PPA2: variants seen among roughly 807,000 people sequenced by gnomAD.
PPA2 encodes inorganic pyrophosphatase 2, mitochondrial.
In PPA2, 48 loss-of-function variants were observed where a neutral mutation model predicts 49.5. The ratio of observed to expected loss-of-function variants is 0.97; its 90% confidence interval spans 0.77 to 1.23. The LOEUF (loss-of-function observed/expected upper bound fraction) is 1.23. Ranked by LOEUF, PPA2 falls within the 50% of genes most tolerant of loss-of-function variation. PPA2 has a pLI of 0.00. For missense variants in PPA2, 429 were observed against 410.1 expected (o/e 1.05, Z -0.40); for synonymous variants, 131 against 139.9 (o/e 0.94, Z 0.45).
intron 10 of PPA2, among the ~76,000 whole-genome samples, chr4:105,382,002 ATTTTC>A (rs1733508665): frequency 6.6e-6 from 1 of 151,762 alleles, no homozygotes; most frequent in Non-Finnish European, 1.5e-5. Flanking sequence ...AACTTCTATA[ATTTTC>A]TTTAATTTCT....
chr4:105,405,721 A>T (rs924199833), intron 7 of PPA2: 2 of 747,324 alleles, frequency 2.7e-6, no homozygotes, highest in African/African-American at 3.7e-5. Flanking sequence ...ACCTACCTAA[A>T]ATAGATACCT....
At chr4:105,372,367 T>A (rs1040736950) in intron 10 of PPA2, among the ~76,000 whole-genome samples, 2 of 152,202 alleles carry the variant, frequency 1.3e-5, no homozygotes, top group African/African-American at 4.8e-5. Context: ...AGGCTCTCCG[T>A]GCTTAAATCT....
rs1301872714 is a variant in PPA2, at chr4:105,409,422, GCC to G, written c.656-10260_656-10259del. 4.6e-5 allele frequency among the ~76,000 whole-genome samples: 7 copies of G among 152,288 alleles called. No homozygotes were observed. The East Asian group carries it at 1.4e-3, about 29-fold the overall frequency. ...AAGCTCAAACTGGGTGGACCTCAGT[GCC>G]CCTCTGCAAGGCCTACAGCCTCCAC... On this transcript the variant is annotated intron_variant, in intron 7 of 11. Transcript: ENST00000341695.
At chr4:105,451,122 A>G (rs949853628) in intron 3 of PPA2, among the ~76,000 whole-genome samples, 2 of 152,150 alleles carry the variant, frequency 1.3e-5, no homozygotes, top group African/African-American at 4.8e-5. Flanking sequence ...TCTCTCATCT[A>G]TCTGAATTAA....
chr4:105,443,440 A>C (rs1394922723), intron 5 of PPA2, among the ~76,000 whole-genome samples: 1 of 111,348 alleles, frequency 9.0e-6, no homozygotes, highest in African/African-American at 3.6e-5. Context: ...TCAACCATCA[A>C]GCAGAAAAAA....
chr4:105,454,713 C>G (rs191864836), intron 2 of PPA2, among the ~76,000 whole-genome samples: 2 of 152,122 alleles, frequency 1.3e-5, no homozygotes, highest in African/African-American at 4.8e-5. Context: ...TCTAGGGAAA[C>G]CTATTTACAC....
At chr4:105,433,681 G>A (rs1357141853) in intron 6 of PPA2, among the ~76,000 whole-genome samples, 7 of 152,180 alleles carry the variant, frequency 4.6e-5, no homozygotes, top group East Asian at 1.9e-4. Context: ...GGTCTCAATT[G>A]TCTGAAATAC....
chr4:105,436,466 A>T (rs1171786246), intron 6 of PPA2, among the ~76,000 whole-genome samples: 2 of 152,168 alleles, frequency 1.3e-5, no homozygotes, highest in Non-Finnish European at 2.9e-5. Context: ...AGGAAAAAAC[A>T]ATCCTAATGT....
intron 7 of PPA2, chr4:105,407,108 A>G (rs1722514681): frequency 6.8e-6 from 1 of 146,776 alleles, no homozygotes; most frequent in Non-Finnish European, 1.5e-5. Context: ...AAAAAAGAAA[A>G]GAAAATTCGC....
chr4:105,433,404 G>C (rs1353175363), intron 6 of PPA2, among the ~76,000 whole-genome samples: 4 of 152,146 alleles, frequency 2.6e-5, no homozygotes, highest in African/African-American at 7.2e-5. Flanking sequence ...CAACTAAGCT[G>C]CTTCCACTCC....
chr4:105,473,582 G>A (rs1172384156), intron 1 of PPA2: 2 of 572,070 alleles, frequency 3.5e-6, no homozygotes, highest in Admixed American at 4.4e-5. Context: ...GCCGCGGGGT[G>A]GCCGCTTGCA....
intron 2 of PPA2, chr4:105,456,234 G>C (rs1351156351): frequency 2.1e-6 from 1 of 476,962 alleles, no homozygotes; most frequent in Non-Finnish European, 4.2e-6. Flanking sequence ...TCCAAAACTA[G>C]CTCTGGCACT....
intron 6 of PPA2, among the ~76,000 whole-genome samples, chr4:105,427,241 A>C (rs1171375170): frequency 1.3e-5 from 2 of 152,244 alleles, no homozygotes; most frequent in Non-Finnish European, 2.9e-5. Flanking sequence ...CAAAATGGGG[A>C]GAAACCAGAG....
At chr4:105,428,768 C>T (rs953331217) in intron 6 of PPA2, among the ~76,000 whole-genome samples, 30 of 151,704 alleles carry the variant, frequency 2.0e-4, no homozygotes, top group Middle Eastern at 3.4e-3. Flanking sequence ...TATATACCTA[C>T]GTAACAAAAC....
intron 5 of PPA2, 31 bp from the exon 6 acceptor site, chr4:105,438,067 A>T: frequency 7.1e-7 from 1 of 1,413,666 alleles, no homozygotes; most frequent in Non-Finnish European, 9.8e-7. Context: ...AAAAGCAGAA[A>T]TGTAAGTTAA....
Position 105,369,738 on chromosome 4 carries a change from A to G in PPA2, c.992T>C (p.Phe331Ser), listed in dbSNP as rs371782506. ...ESNEEEQVWHFLGK is the reference protein window; with the variant it reads ...ESNEEEQVWHSLGK ...CAGATGTTTCAATCACTTGCCAAGG[A>G]AGTGCCACACTTGCTCTGCATTTAA... The change falls in exon 12 of 12, where the codon TTC (phenylalanine) becomes TCC (serine). Residue 331 changes from phenylalanine (F) to serine (S), a missense_variant. Transcript: ENST00000341695. 1 of 1,592,458 alleles carries G rather than the reference A, an allele frequency of 6.3e-7. No individual in the cohort carries two copies. The highest frequency in any genetic ancestry group is 8.6e-7 in the Non-Finnish European group (1 of 1,160,498).
chr4:105,458,092 A>T (rs1722940517), intron 1 of PPA2, among the ~76,000 whole-genome samples: 1 of 152,236 alleles, frequency 6.6e-6, no homozygotes, highest in South Asian at 2.1e-4. Context: ...CAATTTGAGC[A>T]ACAAAATATA....
chr4:105,417,558 CA>C (rs11413641), intron 7 of PPA2, among the ~76,000 whole-genome samples: 8 of 144,794 alleles, frequency 5.5e-5, no homozygotes, highest in Admixed American at 6.9e-5. Context: ...TGACTGAAAC[CA>C]AAAAAAAAAA....
At chr4:105,377,468 G>T (rs1009148581) in intron 10 of PPA2, among the ~76,000 whole-genome samples, 3 of 151,958 alleles carry the variant, frequency 2.0e-5, no homozygotes, top group African/African-American at 7.3e-5. Context: ...ATTTGTTTCA[G>T]GTTATAAATT....
Sources: allele counts gnomAD v4.1 joint callset (sites outside exome capture counted in the v4.1 genomes callset), GRCh38; gene constraint gnomAD v4.1.1; transcripts MANE v1.5; gene names NCBI Gene and HGNC (gene_info 2026-07-23, HGNC 2026-07-21).